Variants in RAB27B observed in about 807,000 individuals in gnomAD.
The protein encoded by RAB27B is ras-related protein Rab-27B.
A neutral mutation model predicts 24.6 loss-of-function variants in RAB27B; 15 were observed. That is an observed-to-expected ratio of 0.61 (90% confidence interval 0.41 to 0.94). The LOEUF (loss-of-function observed/expected upper bound fraction) is 0.94, where lower values mean the gene tolerates loss of function less well. Ranked by LOEUF, RAB27B falls within the 40% of genes least tolerant of loss-of-function variation. RAB27B has a pLI of 0.00. For missense variants in RAB27B, 261 were observed against 266.8 expected, an observed-to-expected ratio of 0.98 and a Z score of 0.15; for synonymous variants, 105 against 92.5, an observed-to-expected ratio of 1.14 and a Z score of -0.78.
At chr18:54,855,759 A>G (rs1241349175) in intron 1 of RAB27B, among the ~76,000 whole-genome samples, 1 of 152,204 alleles carries the variant, frequency 6.6e-6, no homozygotes, top group Non-Finnish European at 1.5e-5. Flanking sequence ...TTAATTCTAT[A>G]GCTTTATATT....
chr18:54,884,105 A>G (rs560423452), intron 3 of RAB27B, among the ~76,000 whole-genome samples: 27 of 152,120 alleles, frequency 1.8e-4, no homozygotes, highest in Admixed American at 3.9e-4. Context: ...GTGTGTATAA[A>G]GTGCTGTGAG....
At chr18:54,751,883 G>A (rs1054997658) in intron 2 of RAB27B, among the ~76,000 whole-genome samples, 9 of 152,140 alleles carry the variant, frequency 5.9e-5, no homozygotes, top group Non-Finnish European at 1.2e-4. Flanking sequence ...AGAAAATACT[G>A]AGCCAGTTCC....
At chr18:54,867,974 G>A (rs1912308065) in intron 1 of RAB27B, among the ~76,000 whole-genome samples, 1 of 152,138 alleles carries the variant, frequency 6.6e-6, no homozygotes, top group Non-Finnish European at 1.5e-5. Context: ...TTGGAGATTT[G>A]TCTCCATCCA....
chr18:54,850,887 G>T (rs1352492902), intron 1 of RAB27B, among the ~76,000 whole-genome samples: 1 of 151,690 alleles, frequency 6.6e-6, no homozygotes, highest in African/African-American at 2.4e-5. Context: ...GTATTTAAAA[G>T]AAAAGGGCTG....
intron 1 of RAB27B, among the ~76,000 whole-genome samples, chr18:54,870,820 A>G (rs2040010446): frequency 1.3e-5 from 2 of 152,210 alleles, no homozygotes; most frequent in African/African-American, 2.4e-5. Context: ...TTATTTATGA[A>G]AAAACATTAT....
chr18:54,866,791 T>C lies in RAB27B; in HGVS notation c.-19-10776T>C, dbSNP rs373882379. On this transcript the variant is annotated intron_variant, in intron 1 of 5. Coordinates refer to ENST00000262094, the MANE Select transcript of RAB27B (RefSeq NM_004163.4). The stretch of plus-strand genomic sequence containing the variant: ...TGGCACTGGGAGCCAAACCATTTTT[T>C]CTCCTCGGTGTCCTGGAGAAAACCC... 3.3e-5 allele frequency among the ~76,000 whole-genome samples: 5 copies of C among 152,160 alleles called. No homozygotes were observed. The East Asian group carries it at 9.6e-4, about 29-fold the overall frequency.
chr18:54,870,233 A>T (rs1000698992), intron 1 of RAB27B, among the ~76,000 whole-genome samples: 10 of 152,182 alleles, frequency 6.6e-5, no homozygotes, highest in African/African-American at 2.4e-4. Context: ...ACAGCACATT[A>T]AAAATGATAC....
In RAB27B at chr18:54,889,090, C is replaced by T. The variant is rs921681997; in HGVS notation, c.468-134C>T. 12 of 840,892 alleles carry T rather than the reference C, an allele frequency of 1.4e-5. No homozygotes were observed. In the African/African-American group the frequency reaches 2.1e-4, roughly 15 times the overall value. 52.1% of individuals were successfully genotyped at this position (840,892 alleles called of 1,614,324 possible). A position where few individuals can be genotyped will look rare whatever the true frequency, so the allele number is the denominator to read the frequency against. On this transcript the variant is annotated intron_variant, in intron 5 of 5. Coordinates refer to ENST00000262094, the MANE Select transcript of RAB27B (RefSeq NM_004163.4). ...AGGAAAAAACAAGGATGCTTTCCAA[C>T]TTAGCCAGCAAAACCATAATCATTT...
At chr18:54,733,444 C>T (rs1909787947) in intron 2 of RAB27B, among the ~76,000 whole-genome samples, 1 of 152,186 alleles carries the variant, frequency 6.6e-6, no homozygotes, top group Non-Finnish European at 1.5e-5. Flanking sequence ...TGAGTTTGCT[C>T]TGCCAGTGTA....
Position 54,770,348 on chromosome 18 carries a change from C to T in RAB27B, c.-20+52207C>T, listed in dbSNP as rs141748670. Among the ~76,000 whole-genome samples, 137 of 152,160 alleles carry T rather than the reference C, an allele frequency of 9.0e-4. 1 individual carries two copies. The East Asian group carries it at 0.026, about 29-fold the overall frequency. On this transcript the variant is annotated intron_variant, in intron 2 of 4. Coordinates refer to the RAB27B transcript ENST00000586570. ...CCACCTCCTGTCTGATTGGCAGCGG[C>T]ATTAGATTCTCATAGGATCATGAAC...
Position 54,773,674 on chromosome 18 carries a change from C to CT in RAB27B, c.-20+55547dup, listed in dbSNP as rs372773293. The stretch of plus-strand genomic sequence containing the variant: ...CATAAAGCAAGAGACAATCTACTTT[C>CT]TTTTTTTTTTTTTTCTTTTGAGACA... On this transcript the variant is annotated intron_variant, in intron 2 of 4. Transcript: ENST00000586570. Among the ~76,000 whole-genome samples the CT allele has an allele frequency of 2.9e-3, 414 of 143,986 alleles. 7 individuals carry two copies. Among genetic ancestry groups the CT allele is most frequent in the East Asian group, 0.028 (138 of 4,948 alleles). The allele number at this position is 143,986 out of a possible 152,430, so 94.5% of individuals were successfully genotyped here.
At chr18:54,801,714 A>G (rs1598914632) in intron 2 of RAB27B, among the ~76,000 whole-genome samples, 1 of 152,172 alleles carries the variant, frequency 6.6e-6, no homozygotes, top group South Asian at 2.1e-4. Context: ...CCCAGTTGTG[A>G]CAACCAAAAA....
chr18:54,730,020 G>T (rs75971217), intron 2 of RAB27B, among the ~76,000 whole-genome samples: 1 of 151,874 alleles, frequency 6.6e-6, no homozygotes, highest in African/African-American at 2.4e-5. Flanking sequence ...GATAATTTGG[G>T]TTTTTTTAGG....
intron 2 of RAB27B, among the ~76,000 whole-genome samples, chr18:54,812,391 G>T (rs1909990458): frequency 6.6e-6 from 1 of 152,154 alleles, no homozygotes. Context: ...TTAAATAGGA[G>T]TTTTACGAGT....
At chr18:54,727,209 C>T (rs1350834716) in intron 2 of RAB27B, among the ~76,000 whole-genome samples, 2 of 152,078 alleles carry the variant, frequency 1.3e-5, no homozygotes, top group South Asian at 2.1e-4. Context: ...CCTGACCTCA[C>T]GTGATCCGCC....
intron 1 of RAB27B, among the ~76,000 whole-genome samples, chr18:54,829,180 A>G (rs1910582137): frequency 6.6e-6 from 1 of 152,162 alleles, no homozygotes; most frequent in Admixed American, 6.5e-5. Context: ...CCTTAAGAGT[A>G]CTTTCTGTTT....
intron 2 of RAB27B, among the ~76,000 whole-genome samples, chr18:54,728,903 CAAAAAAAAAAAAAAAAAAAACCA>C (rs1909637140): frequency 2.9e-5 from 2 of 68,270 alleles, no homozygotes; most frequent in South Asian, 7.0e-4. Context: ...AAAAAAAACC[CAAAAAAAAAAAAAAAAAAAACCA>C]CCACCAAAGG....
At chr18:54,789,963 T>A (rs1485737323) in intron 2 of RAB27B, among the ~76,000 whole-genome samples, 1 of 152,134 alleles carries the variant, frequency 6.6e-6, no homozygotes, top group African/African-American at 2.4e-5. Context: ...CCAAATTCTG[T>A]AATTATTTTA....
chr18:54,751,165 G>A (rs978945324), intron 2 of RAB27B, among the ~76,000 whole-genome samples: 2 of 152,122 alleles, frequency 1.3e-5, no homozygotes, highest in Non-Finnish European at 2.9e-5. Context: ...GACAATACTA[G>A]GAGCTTGAGG....
Sources: allele counts gnomAD v4.1 joint callset (sites outside exome capture counted in the v4.1 genomes callset), GRCh38; gene constraint gnomAD v4.1.1; transcripts MANE v1.5; gene names NCBI Gene and HGNC (gene_info 2026-07-23, HGNC 2026-07-21).